DACH1: variants seen among roughly 807,000 people sequenced by gnomAD.
The protein encoded by DACH1 is dachshund family transcription factor 1.
In DACH1, 12 loss-of-function variants were observed where a neutral mutation model predicts 54.2. The observed-to-expected ratio is 0.22, with a 90% CI of 0.14 to 0.36. The LOEUF is 0.36. DACH1 is among the 10% of genes least tolerant of loss of function. DACH1 has a pLI of 1.00. For synonymous variants in DACH1, 386 were observed against 366.2 expected, an observed-to-expected ratio of 1.05 and a Z score of -0.62; for missense variants, 805 against 929.8, an observed-to-expected ratio of 0.87 and a Z score of 1.75.
intron 1 of DACH1, among the ~76,000 whole-genome samples, chr13:71,845,303 C>T (rs574287798): frequency 6.6e-6 from 1 of 152,178 alleles, no homozygotes; most frequent in South Asian, 2.1e-4. Flanking sequence ...AGAACTACCC[C>T]ACTAAGGAAT....
Position 71,438,414 on chromosome 13 carries a change from T to C in DACH1, c.*2241A>G, listed in dbSNP as rs1255171731. On this transcript the variant is annotated 3_prime_UTR_variant, in exon 11 of 11. Coordinates refer to ENST00000613252, the MANE Select transcript of DACH1 (RefSeq NM_080759.6). ...AACTAAAACAGGGAAAAAATTAAGT[T>C]ACAGACTTACAATAACATTTCATGA... 1 of 152,422 alleles carries C rather than the reference T, an allele frequency of 6.6e-6. No individual in the cohort carries two copies. The highest frequency in any genetic ancestry group is 1.5e-5 in the Non-Finnish European group (1 of 67,872). 9.4% of individuals were successfully genotyped at this position (152,422 alleles called of 1,614,324 possible).
intron 2 of DACH1, among the ~76,000 whole-genome samples, chr13:71,641,918 C>A (rs1043139006): frequency 1.3e-5 from 2 of 152,064 alleles, no homozygotes; most frequent in African/African-American, 4.8e-5. Flanking sequence ...AGGAACAGAG[C>A]AATTATATAT....
intron 1 of DACH1, among the ~76,000 whole-genome samples, chr13:71,720,307 T>A (rs1883171427): frequency 6.6e-6 from 1 of 152,190 alleles, no homozygotes; most frequent in African/African-American, 2.4e-5. Flanking sequence ...CACTGACATA[T>A]GAATAGTATT....
chr13:71,550,399 T>G (rs1286310238), intron 6 of DACH1, among the ~76,000 whole-genome samples: 1 of 152,058 alleles, frequency 6.6e-6, no homozygotes, highest in African/African-American at 2.4e-5. Context: ...CACTAGTGGA[T>G]AGGAAGGCAT....
rs114076400 is a variant in DACH1 at position 71,490,427 on chromosome 13, A to G, written c.1571-1279T>C. 2.3e-3 allele frequency among the ~76,000 whole-genome samples: 345 copies of G among 152,306 alleles called. 3 individuals are homozygous for G. The highest frequency in any genetic ancestry group is 8.0e-3 in the African/African-American group (334 of 41,570). On this transcript the variant is annotated intron_variant, in intron 6 of 10. Transcript: ENST00000613252. ...TAGTTAATAAACCAAAAGGAAAGAAAAGCTGGAGAGGGGAGTAACGGCCAG... is the reference window on the plus strand; with the variant it reads ...TAGTTAATAAACCAAAAGGAAAGAAGAGCTGGAGAGGGGAGTAACGGCCAG...
intron 6 of DACH1, among the ~76,000 whole-genome samples, chr13:71,545,098 T>C (rs1016947277): frequency 3.9e-5 from 6 of 152,208 alleles, no homozygotes; most frequent in Non-Finnish European, 8.8e-5. Context: ...TTTTGCTAAT[T>C]TTTATAAAAA....
At chr13:71,489,769 C>T (rs752963860) in intron 6 of DACH1, among the ~76,000 whole-genome samples, 27 of 151,778 alleles carry the variant, frequency 1.8e-4, no homozygotes, top group Admixed American at 1.2e-3. Flanking sequence ...GACCTTTTAC[C>T]TTCATATTGA....
rs574061228 is a variant in DACH1 at position 71,858,399 on chromosome 13, A to G, written c.848+7523T>C. Reference sequence around the variant, plus strand: ...AACAAAAACATTTCTCAATTATTCAATGTTACCAATCAACATCAACCAATG... The same window carrying G: ...AACAAAAACATTTCTCAATTATTCAGTGTTACCAATCAACATCAACCAATG... On this transcript the variant is annotated intron_variant, in intron 1 of 10. Transcript: ENST00000613252. 9.9e-5 allele frequency among the ~76,000 whole-genome samples: 15 copies of G among 151,790 alleles called. 1 individual carries two copies. The highest frequency in any genetic ancestry group is 2.9e-4 in the African/African-American group (12 of 41,506).
intron 1 of DACH1, among the ~76,000 whole-genome samples, chr13:71,820,877 T>C (rs1471012760): frequency 2.0e-5 from 3 of 152,154 alleles, no homozygotes; most frequent in East Asian, 1.9e-4. Flanking sequence ...AGGAGAAAGA[T>C]ATTTCGTAAT....
chr13:71,537,336 C>T (rs886356241), intron 6 of DACH1, among the ~76,000 whole-genome samples: 1 of 152,146 alleles, frequency 6.6e-6, no homozygotes, highest in African/African-American at 2.4e-5. Context: ...ACCCTAGCTA[C>T]TATCACATTT....
chr13:71,567,652 T>C (rs1884971277), intron 4 of DACH1, among the ~76,000 whole-genome samples: 1 of 152,000 alleles, frequency 6.6e-6, no homozygotes, highest in African/African-American at 2.4e-5. Flanking sequence ...AATTTAATCT[T>C]TATGACAACC....
At chr13:71,848,516 T>G (rs1238389509) in intron 1 of DACH1, among the ~76,000 whole-genome samples, 2 of 151,982 alleles carry the variant, frequency 1.3e-5, no homozygotes, top group African/African-American at 4.8e-5. Flanking sequence ...AAAAATTCAG[T>G]TGGGAATTCT....
intron 6 of DACH1, among the ~76,000 whole-genome samples, chr13:71,546,254 AT>A (rs1389646122): frequency 6.6e-6 from 1 of 152,044 alleles, no homozygotes; most frequent in Non-Finnish European, 1.5e-5. Flanking sequence ...CAAAAGTATA[AT>A]TCTCAAGCAC....
At chr13:71,860,891 T>A (rs1292669537) in intron 1 of DACH1, among the ~76,000 whole-genome samples, 2 of 151,996 alleles carry the variant, frequency 1.3e-5, no homozygotes, top group African/African-American at 4.8e-5. Flanking sequence ...TAATGCTACT[T>A]ATACTCTAAA....
At chr13:71,464,601 T>C (rs1215269421) in intron 10 of DACH1, 2 of 444,010 alleles carry the variant, frequency 4.5e-6, no homozygotes, top group Admixed American at 5.0e-5. Context: ...ATGCAAATTA[T>C]GCAAATTAGA....
At chr13:71,834,676 C>T (rs996105163) in intron 1 of DACH1, among the ~76,000 whole-genome samples, 3 of 150,442 alleles carry the variant, frequency 2.0e-5, no homozygotes, top group Non-Finnish European at 4.4e-5. Flanking sequence ...GGTGGACCCA[C>T]CTTAACATTT....
intron 1 of DACH1, among the ~76,000 whole-genome samples, chr13:71,853,490 T>C (rs1441586720): frequency 6.6e-6 from 1 of 152,166 alleles, no homozygotes; most frequent in Non-Finnish European, 1.5e-5. Flanking sequence ...AAGAAATGGA[T>C]TTATATTCAT....
intron 1 of DACH1, among the ~76,000 whole-genome samples, chr13:71,767,536 C>G (rs1041090752): frequency 2.0e-5 from 3 of 150,190 alleles, no homozygotes; most frequent in Admixed American, 1.3e-4. Flanking sequence ...TCCTCCTCAT[C>G]ATAGAAGCAA....
chr13:71,610,186 T>C (rs1875211194), intron 3 of DACH1, among the ~76,000 whole-genome samples: 1 of 144,158 alleles, frequency 6.9e-6, no homozygotes, highest in African/African-American at 2.9e-5. Context: ...ATAATTAGGT[T>C]CTATGAACCA....
Sources: allele counts gnomAD v4.1 joint callset (sites outside exome capture counted in the v4.1 genomes callset), GRCh38; gene constraint gnomAD v4.1.1; transcripts MANE v1.5; gene names NCBI Gene and HGNC (gene_info 2026-07-23, HGNC 2026-07-21).